Variants in HTR3B observed in about 807,000 individuals in gnomAD.
The protein encoded by HTR3B is 5-hydroxytryptamine (serotonin) receptor 3B, ionotropic.
A neutral mutation model predicts 42.8 loss-of-function variants in HTR3B; 44 were observed. That is an observed-to-expected ratio of 1.03 (90% confidence interval 0.81 to 1.32). The LOEUF (loss-of-function observed/expected upper bound fraction) is 1.32, where lower values mean the gene tolerates loss of function less well. Among genes scored for constraint, HTR3B ranks in the 40% most tolerant of loss-of-function variants. HTR3B has a pLI of 0.00. For synonymous variants in HTR3B, 203 were observed against 209.0 expected, an observed-to-expected ratio of 0.97 and a Z score of 0.25; for missense variants, 527 against 536.5, an observed-to-expected ratio of 0.98 and a Z score of 0.17.
In HTR3B at chr11:113,909,430, T is replaced by C. The variant is rs781370223; in HGVS notation, c.188T>C (p.Leu63Pro). 24 of 1,614,024 alleles carry C rather than the reference T, an allele frequency of 1.5e-5. No individual in the cohort carries two copies. Among genetic ancestry groups the C allele is most frequent in the Non-Finnish European group, 2.0e-5 (24 of 1,179,942 alleles). Residue 63 changes from leucine to proline, a missense_variant, in exon 2 of 9, where the codon CTG becomes CCG. Transcript: ENST00000260191. ...AAGGCCACCACAGTCTACCTGGACCTGTTCGTCCATGCTATATTGGATGTG... is the reference window on the plus strand; with the variant it reads ...AAGGCCACCACAGTCTACCTGGACCCGTTCGTCCATGCTATATTGGATGTG... ...WTKATTVYLD[L>P]FVHAILDVDA...
Position 113,904,853 on chromosome 11 carries a change from A to G in HTR3B, c.-81A>G. 1 of 1,074,318 alleles carries G rather than the reference A, an allele frequency of 9.3e-7. No homozygotes were observed. Among genetic ancestry groups the G allele is most frequent in the East Asian group, 2.4e-5 (1 of 42,360 alleles). The allele number at this position is 1,074,318 out of a possible 1,614,324, so 66.5% of individuals were successfully genotyped here. A position where few individuals can be genotyped will look rare whatever the true frequency, so the allele number is the denominator to read the frequency against. ...GGAGAAGGAGGAGAACAGAGTGGAG[A>G]GGAACCCTGTTAGGAGAAATTGAGC... On this transcript the variant is annotated 5_prime_UTR_variant, in exon 1 of 9. Transcript: ENST00000260191.
intron 2 of HTR3B, among the ~76,000 whole-genome samples, chr11:113,919,090 A>T (rs1339245971): frequency 5.3e-5 from 8 of 152,080 alleles, no homozygotes; most frequent in African/African-American, 1.9e-4. Flanking sequence ...TAAATTTTTA[A>T]TAAATGTTAA....
intron 2 of HTR3B, among the ~76,000 whole-genome samples, chr11:113,924,311 C>T (rs1341529484): frequency 1.3e-5 from 2 of 151,886 alleles, no homozygotes; most frequent in Admixed American, 6.6e-5. Context: ...CATGATCTCT[C>T]AGTTGGTAAA....
chr11:113,927,371 T>G (rs565081342), intron 2 of HTR3B, among the ~76,000 whole-genome samples: 501 of 152,310 alleles, frequency 3.3e-3, no homozygotes, highest in African/African-American at 0.012. Context: ...AAAAAAATAC[T>G]AATGTTTTTC....
chr11:113,943,871 A>AGAAG (rs575677081), intron 7 of HTR3B, among the ~76,000 whole-genome samples: 109 of 151,636 alleles, frequency 7.2e-4, no homozygotes, highest in African/African-American at 2.3e-3. Context: ...AAGAGAGAAA[A>AGAAG]GAAGGAAGGA....
intron 2 of HTR3B, among the ~76,000 whole-genome samples, chr11:113,918,268 C>CGT (rs60519849): frequency 0.4 from 58,776 of 146,704 alleles, 11,709 homozygotes; most frequent in Middle Eastern, 0.49. Context: ...TGTGTGTACT[C>CGT]GTGTGTGTGT....
At chr11:113,922,644 C>T (rs998255919) in intron 2 of HTR3B, among the ~76,000 whole-genome samples, 1 of 152,114 alleles carries the variant, frequency 6.6e-6, no homozygotes, top group African/African-American at 2.4e-5. Context: ...CAAGCTCCGC[C>T]TCCTCGGTTC....
In HTR3B at chr11:113,946,092, C is replaced by T. The variant is rs779865581; in HGVS notation, c.1281C>T (p.Tyr427=). Residue 427 remains tyrosine (Y), a synonymous_variant, in exon 9 of 9, where the codon TAC becomes TAT. Coordinates refer to ENST00000260191, the MANE Select transcript of HTR3B (RefSeq NM_006028.5). ...GCTACCTTTTCATGCTGGGGATCTA[C>T]ACCATCACTCTGTGCTCCCTCTGGG... is the stretch of plus-strand genomic sequence containing the variant. ...FQSYLFMLGI[Y]TITLCSLWAL... 4.3e-6 allele frequency: 7 copies of T among 1,614,118 alleles called. No individual in the cohort carries two copies. The South Asian group carries it at 5.5e-5, about 13-fold the overall frequency.
chr11:113,934,057 C>G (rs764428789), intron 6 of HTR3B, among the ~76,000 whole-genome samples: 3 of 152,146 alleles, frequency 2.0e-5, no homozygotes, highest in Non-Finnish European at 4.4e-5. Flanking sequence ...CTAAGGTGCT[C>G]TGGTACAATG....
At chr11:113,915,060 A>C (rs537760471) in intron 2 of HTR3B, among the ~76,000 whole-genome samples, 1 of 152,088 alleles carries the variant, frequency 6.6e-6, no homozygotes, top group African/African-American at 2.4e-5. Flanking sequence ...TGCCCATAAG[A>C]TCTCTAGTGA....
In HTR3B at chr11:113,946,016, A is replaced by G; in HGVS notation, c.1205A>G (p.Glu402Gly). 6.2e-7 allele frequency: 1 copy of G among 1,614,054 alleles called. No individual in the cohort carries two copies. Among genetic ancestry groups the G allele is most frequent in the Non-Finnish European group, 8.5e-7 (1 of 1,179,952 alleles). The part of the protein sequence containing the change: ...LQTQDQTDQQ[E>G]AEWLVLLSRF... ...ACTCAGGACCAGACAGACCAACAGG[A>G]GGCAGAGTGGCTGGTCCTCCTGTCC... Residue 402 changes from glutamate to glycine, a missense_variant, in exon 9 of 9, where the codon GAG (glutamate) becomes GGG (glycine). Coordinates refer to ENST00000260191, the MANE Select transcript of HTR3B (RefSeq NM_006028.5).
chr11:113,944,907 C>T, intron 8 of HTR3B, 152 bp downstream of exon 8: 1 of 625,620 alleles, frequency 1.6e-6, no homozygotes, highest in Non-Finnish European at 2.7e-6. Flanking sequence ...TATTATCTCT[C>T]TGGAGACTGA....
intron 6 of HTR3B, among the ~76,000 whole-genome samples, chr11:113,941,749 G>A (rs911332193): frequency 6.6e-6 from 1 of 152,106 alleles, no homozygotes; most frequent in Non-Finnish European, 1.5e-5. Flanking sequence ...CTGCCCCAGT[G>A]GAGTCAACAC....
At chr11:113,937,164 A>G (rs973844946) in intron 6 of HTR3B, among the ~76,000 whole-genome samples, 3 of 152,208 alleles carry the variant, frequency 2.0e-5, no homozygotes, top group Non-Finnish European at 4.4e-5. Context: ...GCAGTTTTGC[A>G]GAGAGCAGTG....
At chr11:113,926,337 G>GT (rs1274065239) in intron 2 of HTR3B, among the ~76,000 whole-genome samples, 4 of 151,918 alleles carry the variant, frequency 2.6e-5, no homozygotes, top group African/African-American at 9.7e-5. Flanking sequence ...TTTTATACAG[G>GT]TTTTTTGTGT....
At chr11:113,922,481 ACCT>A (rs1302221797) in intron 2 of HTR3B, among the ~76,000 whole-genome samples, 4 of 151,950 alleles carry the variant, frequency 2.6e-5, no homozygotes. Context: ...TGATCCACTC[ACCT>A]CAGCCTCCCA....
At chr11:113,929,975 A>G (rs1456655262) in intron 2 of HTR3B, among the ~76,000 whole-genome samples, 1 of 152,032 alleles carries the variant, frequency 6.6e-6, no homozygotes, top group African/African-American at 2.4e-5. Context: ...CTCGTGATCC[A>G]CCCACGAGCC....
chr11:113,908,593 C>T (rs2137483978), intron 1 of HTR3B, among the ~76,000 whole-genome samples: 1 of 152,346 alleles, frequency 6.6e-6, no homozygotes, highest in African/African-American at 2.4e-5. Flanking sequence ...TGCTTCCCTT[C>T]CTCTGGCCTC....
intron 6 of HTR3B, among the ~76,000 whole-genome samples, chr11:113,937,169 G>A (rs139412733): frequency 4.5e-4 from 68 of 152,308 alleles, no homozygotes; most frequent in African/African-American, 1.5e-3. Flanking sequence ...TTTGCAGAGA[G>A]CAGTGTCTCA....
Sources: gnomAD v4.1 joint callset for allele counts (sites outside exome capture counted in the v4.1 genomes callset) on GRCh38, gnomAD v4.1.1 for gene constraint, MANE v1.5 for transcripts, NCBI Gene and HGNC (gene_info 2026-07-23, HGNC 2026-07-21) for gene names.